PPFIA2: variants seen among roughly 807,000 people sequenced by gnomAD.
PPFIA2 encodes liprin-alpha-2.
In PPFIA2, 46 loss-of-function variants were observed where a neutral mutation model predicts 175.5. The ratio of observed to expected loss-of-function variants is 0.26; its 90% CI spans 0.21 to 0.34. The LOEUF (loss-of-function observed/expected upper bound fraction) is 0.34. Among genes scored for constraint, PPFIA2 ranks in the 10% least tolerant of loss-of-function variants. The pLI is 1.00. For missense variants in PPFIA2, 1,179 were observed against 1,506.1 expected (o/e 0.78, Z 3.60); for synonymous variants, 568 against 511.4 (o/e 1.11, Z -1.49).
chr12:81,555,224 T>C (rs2068641617), intron 4 of PPFIA2, among the ~76,000 whole-genome samples: 1 of 151,994 alleles, frequency 6.6e-6, no homozygotes. Context: ...TTTGACAACC[T>C]TTTTAATAGT....
intron 3 of PPFIA2, among the ~76,000 whole-genome samples, chr12:81,720,144 C>T (rs988224022): frequency 6.6e-6 from 1 of 151,422 alleles, no homozygotes; most frequent in African/African-American, 2.4e-5. Context: ...GGTGAAGAAG[C>T]ATGGCCTACA....
intron 24 of PPFIA2, among the ~76,000 whole-genome samples, chr12:81,290,781 T>C (rs990980017): frequency 1.3e-5 from 2 of 151,856 alleles, no homozygotes; most frequent in Admixed American, 6.6e-5. Context: ...ATTAAGAATA[T>C]GCATTCCGTA....
intron 21 of PPFIA2, among the ~76,000 whole-genome samples, chr12:81,338,269 G>A (rs961437032): frequency 6.6e-5 from 10 of 152,144 alleles, no homozygotes; most frequent in South Asian, 2.1e-4. Flanking sequence ...ACCACTGTAG[G>A]TAGGAGTTTA....
intron 3 of PPFIA2, among the ~76,000 whole-genome samples, chr12:81,695,581 G>A (rs2075804460): frequency 6.6e-6 from 1 of 151,764 alleles, no homozygotes; most frequent in African/African-American, 2.4e-5. Context: ...TTTTTTCTTT[G>A]TAAATTACCC....
intron 4 of PPFIA2, among the ~76,000 whole-genome samples, chr12:81,602,323 A>T (rs2153457097): frequency 6.6e-6 from 1 of 151,980 alleles, no homozygotes; most frequent in Non-Finnish European, 1.5e-5. Flanking sequence ...ATCTTTTTTA[A>T]ACTAGCTTAT....
intron 3 of PPFIA2, among the ~76,000 whole-genome samples, chr12:81,692,046 A>G (rs1184419686): frequency 6.6e-6 from 1 of 151,412 alleles, no homozygotes; most frequent in African/African-American, 2.4e-5. Context: ...TTAGGTTACT[A>G]TAGACTGACT....
At chr12:81,290,689 A>T (rs1225153872) in intron 24 of PPFIA2, among the ~76,000 whole-genome samples, 1 of 151,920 alleles carries the variant, frequency 6.6e-6, no homozygotes, top group Non-Finnish European at 1.5e-5. Flanking sequence ...TTAAAATGTA[A>T]ATTAAGCAAG....
intron 4 of PPFIA2, among the ~76,000 whole-genome samples, chr12:81,644,769 C>T (rs2065825612): frequency 6.6e-6 from 1 of 152,018 alleles, no homozygotes; most frequent in Non-Finnish European, 1.5e-5. Flanking sequence ...TCTATGTAAG[C>T]ATAGTGCTCA....
chr12:81,729,143 A>G (rs1468614015), intron 3 of PPFIA2, among the ~76,000 whole-genome samples: 1 of 151,498 alleles, frequency 6.6e-6, no homozygotes, highest in African/African-American at 2.4e-5. Context: ...AAAAATTAGG[A>G]AGAGAAACAA....
intron 24 of PPFIA2, among the ~76,000 whole-genome samples, chr12:81,285,865 G>A (rs1193698773): frequency 6.6e-6 from 1 of 151,948 alleles, no homozygotes; most frequent in African/African-American, 2.4e-5. Context: ...TTTTTAAAGA[G>A]TTAACTGTAA....
intron 10 of PPFIA2, 83 bp from the exon 11 acceptor site, chr12:81,374,851 G>T: frequency 7.6e-7 from 1 of 1,316,776 alleles, no homozygotes; most frequent in Non-Finnish European, 1.0e-6. Flanking sequence ...TTGCACTTCA[G>T]CCATGATTCT....
At chr12:81,311,249 T>C (rs2050701103) in intron 22 of PPFIA2, among the ~76,000 whole-genome samples, 1 of 152,226 alleles carries the variant, frequency 6.6e-6, no homozygotes, top group Non-Finnish European at 1.5e-5. Context: ...TTTAAAGCTT[T>C]AGAAATCAAC....
chr12:81,677,287 T>A (rs1017124656), intron 3 of PPFIA2, among the ~76,000 whole-genome samples: 1 of 151,978 alleles, frequency 6.6e-6, no homozygotes, highest in Non-Finnish European at 1.5e-5. Flanking sequence ...AAGTATTTGA[T>A]GTGTAATAAT....
At chr12:81,290,836 A>G (rs2044747220) in intron 24 of PPFIA2, among the ~76,000 whole-genome samples, 1 of 151,900 alleles carries the variant, frequency 6.6e-6, no homozygotes, top group South Asian at 2.1e-4. Context: ...ATGCAACAAC[A>G]TAATTACAAG....
At chr12:81,581,991 T>C (rs1224226639) in intron 4 of PPFIA2, among the ~76,000 whole-genome samples, 1 of 151,898 alleles carries the variant, frequency 6.6e-6, no homozygotes, top group Non-Finnish European at 1.5e-5. Context: ...AATATTTGCA[T>C]ATTAACGTTT....
At chr12:81,339,042 T>G in intron 21 of PPFIA2, 138 bp downstream of exon 21, 1 of 793,866 alleles carries the variant, frequency 1.3e-6, no homozygotes, top group Non-Finnish European at 1.9e-6. Flanking sequence ...CATTTAAAGC[T>G]AATCAAAATA....
At chr12:81,428,979 T>C (rs1036538711) in intron 7 of PPFIA2, among the ~76,000 whole-genome samples, 2 of 152,082 alleles carry the variant, frequency 1.3e-5, no homozygotes, top group Non-Finnish European at 2.9e-5. Context: ...AGTTTAGTCA[T>C]GGCGACTTGT....
chr12:81,375,989 T>C (rs1334050344), intron 9 of PPFIA2, 47 bp from the exon 10 acceptor site: 8 of 1,509,934 alleles, frequency 5.3e-6, no homozygotes, highest in Non-Finnish European at 6.4e-6. Context: ...TCTCAGATTG[T>C]TTAATTATTG....
intron 5 of PPFIA2, among the ~76,000 whole-genome samples, chr12:81,456,265 G>GA (rs1182412278): frequency 6.6e-6 from 1 of 152,042 alleles, no homozygotes; most frequent in African/African-American, 2.4e-5. Flanking sequence ...GACAGCAAAA[G>GA]AAAAAAATTG....
Sources: allele counts gnomAD v4.1 joint callset (sites outside exome capture counted in the v4.1 genomes callset), GRCh38; gene constraint gnomAD v4.1.1; transcripts MANE v1.5; gene names NCBI Gene and HGNC (gene_info 2026-07-23, HGNC 2026-07-21).